The following AGBL3 variants were observed in gnomAD, a reference collection of about 807,000 sequenced individuals.
AGBL3 encodes AGBL carboxypeptidase 3.
AGBL3 carries 68 observed loss-of-function variants against 94.5 expected under a neutral mutation model. The observed-to-expected ratio is 0.72, with a 90% CI of 0.59 to 0.88. The LOEUF (loss-of-function observed/expected upper bound fraction) is 0.88, where lower values mean the gene tolerates loss of function less well. AGBL3 is among the 40% of genes least tolerant of loss of function. The pLI is 0.00. For synonymous variants in AGBL3, 354 were observed against 370.7 expected (o/e 0.95, Z 0.52); for missense variants, 934 against 1,103.8 (o/e 0.85, Z 2.18).
intron 16 of AGBL3, among the ~76,000 whole-genome samples, chr7:135,125,241 C>T (rs1160147673): frequency 6.6e-6 from 1 of 152,060 alleles, no homozygotes; most frequent in Non-Finnish European, 1.5e-5. Flanking sequence ...GAAATATAAA[C>T]TACCATCAGA....
intron 15 of AGBL3, among the ~76,000 whole-genome samples, chr7:135,105,295 C>G (rs1005398076): frequency 2.0e-5 from 3 of 151,518 alleles, no homozygotes; most frequent in Non-Finnish European, 4.4e-5. Flanking sequence ...GTCTTGAACT[C>G]CTGACCTCAG....
chr7:135,081,675 G>A, intron 14 of AGBL3, 44 bp from the exon 15 acceptor site: 3 of 1,273,438 alleles, frequency 2.4e-6, no homozygotes, highest in Admixed American at 2.1e-5. Flanking sequence ...ATGTAAATGG[G>A]CGAGTTATTT....
chr7:135,134,823 A>G lies in AGBL3; in HGVS notation c.2343-18A>G. ...GTCCATGATGGACAAAAATTCACGT[A>G]TTTCATTTCTTTTCTAGACTAAATC... On this transcript the variant is annotated intron_variant, in intron 16 of 16. Coordinates refer to ENST00000436302, the MANE Select transcript of AGBL3 (RefSeq NM_178563.4). 6.5e-7 allele frequency: 1 copy of G among 1,544,520 alleles called. No individual in the cohort carries two copies. Among genetic ancestry groups the G allele is most frequent in the Non-Finnish European group, 8.8e-7 (1 of 1,142,234 alleles).
intron 3 of AGBL3, among the ~76,000 whole-genome samples, chr7:134,993,036 TC>T (rs1298176867): frequency 6.6e-6 from 1 of 152,204 alleles, no homozygotes; most frequent in East Asian, 1.9e-4. Flanking sequence ...TGAATTGTGT[TC>T]CTGGCATTGT....
intron 12 of AGBL3, among the ~76,000 whole-genome samples, chr7:135,073,283 T>C (rs768013951): frequency 4.0e-4 from 61 of 151,778 alleles, no homozygotes; most frequent in Admixed American, 9.8e-4. Flanking sequence ...CTGGCCAACA[T>C]AGTGAAACCC....
chr7:135,099,243 A>C (rs908599091), intron 15 of AGBL3, among the ~76,000 whole-genome samples: 5 of 152,172 alleles, frequency 3.3e-5, no homozygotes, highest in Non-Finnish European at 5.9e-5. Context: ...ATAGATCCTA[A>C]CATAGATAAA....
At chr7:135,124,888 C>T (rs1827644069) in intron 16 of AGBL3, among the ~76,000 whole-genome samples, 1 of 152,168 alleles carries the variant, frequency 6.6e-6, no homozygotes, top group African/African-American at 2.4e-5. Flanking sequence ...CTCTGGGACA[C>T]AGCTAAAGCA....
intron 11 of AGBL3, 63 bp downstream of exon 11, chr7:135,045,974 A>G (rs1484821291): frequency 1.8e-6 from 2 of 1,098,800 alleles, no homozygotes; most frequent in African/African-American, 1.6e-5. Context: ...CTTTATAATT[A>G]TACCAGCATT....
chr7:135,048,189 G>C, intron 11 of AGBL3, among the ~76,000 whole-genome samples: 1 of 151,818 alleles, frequency 6.6e-6, no homozygotes, highest in Non-Finnish European at 1.5e-5. Context: ...TTGGGGCCCT[G>C]TATTCTATCC....
At chr7:135,093,738 A>G (rs1450407815) in intron 15 of AGBL3, 1 of 152,206 alleles carries the variant, frequency 6.6e-6, no homozygotes, top group East Asian at 1.9e-4. Context: ...CCTTTTGTGC[A>G]GAAACTAACA....
At chr7:135,043,516 T>C (rs921983802) in intron 8 of AGBL3, among the ~76,000 whole-genome samples, 6 of 152,072 alleles carry the variant, frequency 3.9e-5, no homozygotes, top group African/African-American at 1.4e-4. Flanking sequence ...AACTAGTATT[T>C]GATGGCACAA....
At chr7:135,072,884 G>A (rs908277509) in intron 12 of AGBL3, among the ~76,000 whole-genome samples, 5 of 151,624 alleles carry the variant, frequency 3.3e-5, no homozygotes, top group Non-Finnish European at 7.4e-5. Flanking sequence ...TTCACGTTGT[G>A]CATATGTACC....
At chr7:135,109,572 A>G (rs554835286) in intron 15 of AGBL3, among the ~76,000 whole-genome samples, 3 of 151,946 alleles carry the variant, frequency 2.0e-5, no homozygotes, top group East Asian at 3.9e-4. Context: ...GGTACCAACA[A>G]TGAAGGTCGT....
chr7:135,058,766 TC>T (rs1019445172), intron 11 of AGBL3, among the ~76,000 whole-genome samples: 6 of 151,976 alleles, frequency 3.9e-5, no homozygotes, highest in African/African-American at 7.2e-5. Context: ...TCTTCTTTTT[TC>T]CCCCCCAAGA....
intron 15 of AGBL3, among the ~76,000 whole-genome samples, chr7:135,107,859 G>T (rs1485229933): frequency 6.6e-6 from 1 of 152,102 alleles, no homozygotes; most frequent in African/African-American, 2.4e-5. Flanking sequence ...CTTTTTGTAG[G>T]TCTCTAGGAA....
At chr7:135,065,278 C>T (rs1216904369) in intron 12 of AGBL3, among the ~76,000 whole-genome samples, 2 of 152,136 alleles carry the variant, frequency 1.3e-5, no homozygotes, top group African/African-American at 4.8e-5. Context: ...TCTACAAATT[C>T]AATGCAATAC....
intron 16 of AGBL3, among the ~76,000 whole-genome samples, chr7:135,117,512 T>C (rs1327630339): frequency 6.6e-6 from 1 of 152,220 alleles, no homozygotes; most frequent in East Asian, 1.9e-4. Flanking sequence ...ATCTTCTCAT[T>C]CTTTGCTTAT....
At chr7:135,106,670 T>C (rs567778170) in intron 15 of AGBL3, among the ~76,000 whole-genome samples, 3 of 152,266 alleles carry the variant, frequency 2.0e-5, no homozygotes, top group Non-Finnish European at 2.9e-5. Flanking sequence ...TGGCCTGAAG[T>C]TTTCTTTTAT....
Position 135,117,985 on chromosome 7 carries a change from A to T in AGBL3, c.2342+2374A>T, listed in dbSNP as rs147064583. ...GTAGGATGCAAATTTGAGCTAAGGG[A>T]AGTAAAAACTTTCCTGTGGAGAGAG... On this transcript the variant is annotated intron_variant, in intron 16 of 16. Coordinates refer to ENST00000436302, the MANE Select transcript of AGBL3 (RefSeq NM_178563.4). 3.1e-3 allele frequency among the ~76,000 whole-genome samples: 473 copies of T among 152,310 alleles called. 3 individuals are homozygous for T. Among genetic ancestry groups the T allele is most frequent in the Middle Eastern group, 0.014 (4 of 294 alleles).
Sources: allele counts gnomAD v4.1 joint callset (sites outside exome capture counted in the v4.1 genomes callset), GRCh38; gene constraint gnomAD v4.1.1; transcripts MANE v1.5; gene names NCBI Gene and HGNC (gene_info 2026-07-23, HGNC 2026-07-21).